Variants in RPS6KC1 observed in about 807,000 individuals in gnomAD.
RPS6KC1 encodes the protein ribosomal protein S6 kinase C1.
In RPS6KC1, 54 loss-of-function variants were observed where a neutral mutation model predicts 103.8. That is an observed-to-expected ratio of 0.52 (90% CI 0.42 to 0.65). The LOEUF (loss-of-function observed/expected upper bound fraction) is 0.65, where lower values mean the gene tolerates loss of function less well. Among genes scored for constraint, RPS6KC1 ranks in the 30% least tolerant of loss-of-function variants. The pLI, the probability that RPS6KC1 is intolerant of heterozygous loss-of-function variation, is 0.00. For missense variants in RPS6KC1, 1,151 were observed against 1,253.8 expected (o/e 0.92, Z 1.24); for synonymous variants, 439 against 438.7 (o/e 1.00, Z -0.01).
At chr1:213,392,698 T>G in the RPS6KC1 span, among the ~76,000 whole-genome samples, 1 of 152,210 alleles carries the variant, frequency 6.6e-6, no homozygotes, top group South Asian at 2.1e-4. Flanking sequence ...ATTAAATGCT[T>G]GACTATGTGA....
At chr1:213,604,440 C>T in the RPS6KC1 span, among the ~76,000 whole-genome samples, 1 of 152,246 alleles carries the variant, frequency 6.6e-6, no homozygotes, top group African/African-American at 2.4e-5. Flanking sequence ...TATCAATAAA[C>T]TGCACCCTCT....
chr1:213,466,103 A>T, the RPS6KC1 span, among the ~76,000 whole-genome samples: 1 of 152,024 alleles, frequency 6.6e-6, no homozygotes, highest in Non-Finnish European at 1.5e-5. Context: ...GTCCCCCACA[A>T]CCTCCACCTA....
the RPS6KC1 span, among the ~76,000 whole-genome samples, chr1:213,775,948 G>C: frequency 1.3e-5 from 2 of 152,096 alleles, no homozygotes; most frequent in African/African-American, 4.8e-5. Flanking sequence ...TCTAACTCAA[G>C]AAACCACTTT....
chr1:213,747,927 G>C, the RPS6KC1 span, among the ~76,000 whole-genome samples: 1 of 152,192 alleles, frequency 6.6e-6, no homozygotes, highest in Non-Finnish European at 1.5e-5. Flanking sequence ...GGACAATATT[G>C]TAACCTTTTG....
At chr1:213,267,763 A>G (rs1230939161) in intron 14 of RPS6KC1, among the ~76,000 whole-genome samples, 1 of 152,042 alleles carries the variant, frequency 6.6e-6, no homozygotes, top group Non-Finnish European at 1.5e-5. Flanking sequence ...CACAAGTTGA[A>G]TAATACAATG....
the RPS6KC1 span, among the ~76,000 whole-genome samples, chr1:213,599,085 T>G: frequency 6.6e-6 from 1 of 152,214 alleles, no homozygotes; most frequent in African/African-American, 2.4e-5. Context: ...TTTCACGCAA[T>G]CAAAATGTAT....
At chr1:213,057,327 A>G (rs2077416058) in intron 1 of RPS6KC1, among the ~76,000 whole-genome samples, 1 of 152,204 alleles carries the variant, frequency 6.6e-6, no homozygotes, top group Non-Finnish European at 1.5e-5. Flanking sequence ...GGAAGGAGGC[A>G]GCGCTTTGCT....
chr1:213,125,173 C>T (rs983836335), intron 5 of RPS6KC1, among the ~76,000 whole-genome samples: 1 of 151,988 alleles, frequency 6.6e-6, no homozygotes, highest in African/African-American at 2.4e-5. Context: ...TATAATCTTA[C>T]CATACACAGA....
intron 12 of RPS6KC1, among the ~76,000 whole-genome samples, chr1:213,251,486 A>C (rs1253331128): frequency 6.6e-6 from 1 of 152,206 alleles, no homozygotes; most frequent in African/African-American, 2.4e-5. Flanking sequence ...TGTGCTTTGC[A>C]TGGGGAGCAC....
At chr1:213,834,180 C>A in the RPS6KC1 span, among the ~76,000 whole-genome samples, 1 of 152,098 alleles carries the variant, frequency 6.6e-6, no homozygotes, top group African/African-American at 2.4e-5. Flanking sequence ...GCTGGGACTA[C>A]AGGTAATGCA....
At chr1:213,807,534 C>A in the RPS6KC1 span, among the ~76,000 whole-genome samples, 3 of 152,164 alleles carry the variant, frequency 2.0e-5, no homozygotes, top group East Asian at 1.9e-4. Flanking sequence ...TTCATTTCAT[C>A]TTCCATCACT....
chr1:213,437,968 T>C, the RPS6KC1 span, among the ~76,000 whole-genome samples: 3 of 152,092 alleles, frequency 2.0e-5, no homozygotes. Context: ...CTTTGATTTA[T>C]GTTATTTATA....
chr1:213,473,866 T>C, the RPS6KC1 span, among the ~76,000 whole-genome samples: 8 of 152,144 alleles, frequency 5.3e-5, no homozygotes, highest in Admixed American at 5.2e-4. Context: ...AATTGGAATC[T>C]AGCAGGCAAG....
At chr1:213,389,402 G>T in the RPS6KC1 span, among the ~76,000 whole-genome samples, 2 of 152,218 alleles carry the variant, frequency 1.3e-5, no homozygotes, top group African/African-American at 4.8e-5. Context: ...GGCAGCGCGG[G>T]CAGGCCAGCC....
chr1:213,226,833 G>A (rs903393413), intron 8 of RPS6KC1, among the ~76,000 whole-genome samples: 7 of 151,966 alleles, frequency 4.6e-5, no homozygotes, highest in Admixed American at 6.6e-5. Flanking sequence ...TTTTCTCTTT[G>A]TACTTTTCTC....
chr1:213,109,351 A>C (rs1572578659), intron 4 of RPS6KC1, among the ~76,000 whole-genome samples: 1 of 151,702 alleles, frequency 6.6e-6, no homozygotes, highest in African/African-American at 2.4e-5. Context: ...GTTAGCCAGG[A>C]TGGTCTCAAT....
the RPS6KC1 span, among the ~76,000 whole-genome samples, chr1:213,552,911 C>G: frequency 1.3e-5 from 2 of 152,182 alleles, no homozygotes; most frequent in African/African-American, 4.8e-5. Context: ...TACTGATCCA[C>G]TGAGGTTTGG....
the RPS6KC1 span, among the ~76,000 whole-genome samples, chr1:213,687,252 G>T: frequency 6.6e-6 from 1 of 152,164 alleles, no homozygotes; most frequent in South Asian, 2.1e-4. Flanking sequence ...ATTCAAGATG[G>T]AGTCGCTCTG....
chr1:213,187,238 T>C (rs1384373410), intron 8 of RPS6KC1, among the ~76,000 whole-genome samples: 1 of 151,426 alleles, frequency 6.6e-6, no homozygotes, highest in Non-Finnish European at 1.5e-5. Context: ...TTTAAATTTT[T>C]TTCTTCTTCT....
Sources: gnomAD v4.1 joint callset for allele counts (sites outside exome capture counted in the v4.1 genomes callset) on GRCh38, gnomAD v4.1.1 for gene constraint, MANE v1.5 for transcripts, NCBI Gene and HGNC (gene_info 2026-07-23, HGNC 2026-07-21) for gene names.